Variants in STIM2 observed in about 807,000 individuals in gnomAD.
STIM2 encodes stromal interaction molecule 2.
A neutral mutation model predicts 85.8 loss-of-function variants in STIM2; 31 were observed. That is an observed-to-expected ratio of 0.36 (90% CI 0.27 to 0.49). The LOEUF is 0.49. Ranked by LOEUF, STIM2 falls within the 20% of genes least tolerant of loss-of-function variation. The pLI is 0.98. For missense variants in STIM2, 841 were observed against 927.6 expected (o/e 0.91, Z 1.21); for synonymous variants, 356 against 331.1 (o/e 1.08, Z -0.82).
In STIM2 at chr4:27,023,260, T is replaced by G. The variant is rs1434296812; in HGVS notation, c.*264T>G. The G allele has an allele frequency of 2.3e-6, 1 of 426,502 alleles. No individual in the cohort carries two copies. The highest frequency in any genetic ancestry group is 4.3e-6 in the Non-Finnish European group (1 of 234,834). 26.4% of individuals were successfully genotyped at this position (426,502 alleles called of 1,614,324 possible). On this transcript the variant is annotated 3_prime_UTR_variant, in exon 12 of 12. Coordinates refer to ENST00000467087, the MANE Select transcript of STIM2 (RefSeq NM_020860.4). ...GTTTACAGTCATTTCTGCCTATTTA[T>G]TTCTGCTTTGTTCTCAGTGATGTAT... is the stretch of plus-strand genomic sequence containing the variant.
At position 27,021,205 on chromosome 4, in the gene STIM2, A is replaced by G. The variant is rs529668555; in HGVS notation, c.1764-1314A>G. The stretch of plus-strand genomic sequence containing the variant: ...TTGCCACTCTTCTAGTGCAGAGAAG[A>G]CAGAAGTTAATAAGGCTCCTTGTCC... On this transcript the variant is annotated intron_variant, in intron 11 of 11. Transcript: ENST00000467087. 76 of 692,556 alleles carry G rather than the reference A, an allele frequency of 1.1e-4. No individual in the cohort carries two copies. The African/African-American group carries it at 1.3e-3, about 12-fold the overall frequency. The allele number at this position is 692,556 out of a possible 1,614,324, so 42.9% of individuals were successfully genotyped here.
In STIM2 at chr4:26,995,392, C is replaced by G; in HGVS notation, c.411C>G (p.Thr137=). ...TATCTCCTGCAGTTCATAATTGGACCCTTGAAGACACTCTTCAGTGGTTGA... is the reference window on the plus strand; with the variant it reads ...TATCTCCTGCAGTTCATAATTGGACGCTTGAAGACACTCTTCAGTGGTTGA... Residue 137 remains threonine, a synonymous_variant, in exon 4 of 12, where the codon ACC becomes ACG. Transcript: ENST00000467087. 1.3e-6 allele frequency: 2 copies of G among 1,572,624 alleles called. No homozygotes were observed. Among genetic ancestry groups the G allele is most frequent in the Non-Finnish European group, 8.6e-7 (1 of 1,161,138 alleles).
At chr4:26,958,264 A>G (rs1426668682) in intron 3 of STIM2, among the ~76,000 whole-genome samples, 1 of 152,162 alleles carries the variant, frequency 6.6e-6, no homozygotes, top group African/African-American at 2.4e-5. Context: ...TCTGTGATCT[A>G]AAAATCTCAA....
chr4:26,980,495 T>C (rs1727342939), intron 3 of STIM2, among the ~76,000 whole-genome samples: 1 of 149,484 alleles, frequency 6.7e-6, no homozygotes, highest in South Asian at 2.1e-4. Flanking sequence ...TTAAAACCAG[T>C]TCGTGCCTCT....
chr4:26,902,184 C>A (rs1667250252), intron 1 of STIM2, among the ~76,000 whole-genome samples: 1 of 151,998 alleles, frequency 6.6e-6, no homozygotes, highest in Non-Finnish European at 1.5e-5. Flanking sequence ...GATAGGGAGA[C>A]CATTACAGGA....
intron 2 of STIM2, among the ~76,000 whole-genome samples, chr4:26,930,257 T>G (rs1725155392): frequency 2.0e-5 from 3 of 152,180 alleles, no homozygotes; most frequent in Admixed American, 1.3e-4. Context: ...ATGGTTTTGT[T>G]GCCCTGAGCA....
At chr4:26,864,782 T>A (rs1722335621) in intron 1 of STIM2, among the ~76,000 whole-genome samples, 1 of 152,158 alleles carries the variant, frequency 6.6e-6, no homozygotes, top group African/African-American at 2.4e-5. Context: ...CCACATATAA[T>A]AGCATTTAGA....
chr4:26,882,596 T>A (rs186929088), intron 1 of STIM2, among the ~76,000 whole-genome samples: 51 of 151,750 alleles, frequency 3.4e-4, no homozygotes, highest in Admixed American at 2.0e-3. Context: ...TAGCTGGAGG[T>A]GAATTCAGGC....
chr4:26,915,602 A>G (rs1204482045), intron 1 of STIM2, among the ~76,000 whole-genome samples: 1 of 152,166 alleles, frequency 6.6e-6, no homozygotes, highest in Non-Finnish European at 1.5e-5. Flanking sequence ...GTAGAACCAT[A>G]CTGAGCATTT....
At chr4:26,929,884 G>A (rs559460325) in intron 2 of STIM2, among the ~76,000 whole-genome samples, 2,023 of 152,096 alleles carry the variant, frequency 0.013, 36 homozygotes, top group African/African-American at 0.046. Flanking sequence ...AGTTAGAGAT[G>A]ATGGGGGCTG....
At chr4:26,865,981 T>G (rs868712221) in intron 1 of STIM2, among the ~76,000 whole-genome samples, 1 of 71,904 alleles carries the variant, frequency 1.4e-5, no homozygotes, top group East Asian at 4.0e-4. Flanking sequence ...TCCTGTTAGA[T>G]AGCTACTGTT....
chr4:26,983,708 A>G (rs568157467), intron 3 of STIM2, among the ~76,000 whole-genome samples: 1 of 152,338 alleles, frequency 6.6e-6, no homozygotes, highest in South Asian at 2.1e-4. Context: ...CTTTGATATA[A>G]TAAAGAAGGT....
At chr4:26,925,777 C>G (rs1174234860) in intron 2 of STIM2, among the ~76,000 whole-genome samples, 1 of 76,314 alleles carries the variant, frequency 1.3e-5, no homozygotes, top group East Asian at 5.5e-4. Flanking sequence ...ATCTAGAAAA[C>G]CCCATCGTCT....
chr4:27,001,181 G>A (rs954611263), intron 5 of STIM2, among the ~76,000 whole-genome samples: 3 of 152,136 alleles, frequency 2.0e-5, no homozygotes, highest in Admixed American at 1.3e-4. Context: ...TGTTTCTGCC[G>A]GAGGCCTGGG....
intron 4 of STIM2, among the ~76,000 whole-genome samples, chr4:26,999,024 A>C (rs1236492159): frequency 1.3e-5 from 2 of 152,144 alleles, no homozygotes. Flanking sequence ...AATTATTAAC[A>C]TACAGGAGTC....
At chr4:26,916,682 G>GTC (rs1724593586) in intron 1 of STIM2, among the ~76,000 whole-genome samples, 1 of 151,690 alleles carries the variant, frequency 6.6e-6, no homozygotes, top group Admixed American at 6.6e-5. Context: ...TTTTCTGTAT[G>GTC]TTGGTATCTT....
chr4:26,979,647 A>T (rs952209902), intron 3 of STIM2, among the ~76,000 whole-genome samples: 5 of 152,222 alleles, frequency 3.3e-5, no homozygotes, highest in African/African-American at 1.2e-4. Context: ...ATTTAAAGCA[A>T]ATATAATTAA....
intron 2 of STIM2, among the ~76,000 whole-genome samples, chr4:26,944,896 A>G (rs1379882353): frequency 6.6e-6 from 1 of 152,216 alleles, no homozygotes; most frequent in Non-Finnish European, 1.5e-5. Context: ...TTAAATGAAT[A>G]AAGTGTATGT....
chr4:26,951,734 G>C (rs534553420), intron 2 of STIM2, among the ~76,000 whole-genome samples: 18 of 152,140 alleles, frequency 1.2e-4, no homozygotes, highest in Admixed American at 3.9e-4. Context: ...TCTACTTAAA[G>C]TGAATATTAA....
Sources: gnomAD v4.1 joint callset for allele counts (sites outside exome capture counted in the v4.1 genomes callset) on GRCh38, gnomAD v4.1.1 for gene constraint, MANE v1.5 for transcripts, NCBI Gene and HGNC (gene_info 2026-07-23, HGNC 2026-07-21) for gene names.